Variants in PITPNC1 observed in about 807,000 individuals in gnomAD.
PITPNC1 encodes cytoplasmic phosphatidylinositol transfer protein 1.
Under a neutral mutation model 44.7 loss-of-function variants are expected in PITPNC1, and 18 were observed. That is an observed-to-expected ratio of 0.40 (90% CI 0.28 to 0.60). PITPNC1 has a LOEUF of 0.60. Among genes scored for constraint, PITPNC1 ranks in the 20% least tolerant of loss-of-function variants. PITPNC1 has a pLI of 0.39. For synonymous variants in PITPNC1, 141 were observed against 149.6 expected, an observed-to-expected ratio of 0.94 and a Z score of 0.42; for missense variants, 290 against 418.4, an observed-to-expected ratio of 0.69 and a Z score of 2.68.
intron 6 of PITPNC1, among the ~76,000 whole-genome samples, chr17:67,646,948 G>A (rs967030772): frequency 6.6e-5 from 10 of 152,078 alleles, no homozygotes; most frequent in African/African-American, 2.4e-4. Context: ...CAAAGATTAT[G>A]CTTCCCCTAC....
chr17:67,653,430 C>T (rs1205177508), intron 6 of PITPNC1, among the ~76,000 whole-genome samples: 1 of 152,214 alleles, frequency 6.6e-6, no homozygotes, highest in Non-Finnish European at 1.5e-5. Flanking sequence ...TTCCTCCTCA[C>T]AGCCCTTGGA....
chr17:67,615,393 C>T (rs1483239994), intron 5 of PITPNC1, among the ~76,000 whole-genome samples: 1 of 152,170 alleles, frequency 6.6e-6, no homozygotes, highest in Non-Finnish European at 1.5e-5. Context: ...TACCTCGGGA[C>T]GCTTGCTTGG....
At chr17:67,509,265 G>A (rs374316408) in intron 1 of PITPNC1, among the ~76,000 whole-genome samples, 8 of 151,340 alleles carry the variant, frequency 5.3e-5, no homozygotes, top group South Asian at 2.1e-4. Context: ...TAGGCCGGGC[G>A]TGGTGGCTCA....
intron 4 of PITPNC1, among the ~76,000 whole-genome samples, chr17:67,567,997 G>T (rs1000172768): frequency 2.6e-5 from 4 of 151,980 alleles, no homozygotes; most frequent in African/African-American, 9.7e-5. Context: ...AAGGAGAAGA[G>T]AAGAGAAAAG....
intron 8 of PITPNC1, among the ~76,000 whole-genome samples, chr17:67,677,571 T>C (rs764336841): frequency 1.3e-5 from 2 of 149,996 alleles, no homozygotes; most frequent in Non-Finnish European, 3.0e-5. Context: ...CTTAGGGACT[T>C]CTTTTTTTTT....
intron 5 of PITPNC1, among the ~76,000 whole-genome samples, chr17:67,584,450 T>C (rs2041283008): frequency 6.6e-6 from 1 of 152,138 alleles, no homozygotes. Flanking sequence ...TGTGTGGTAA[T>C]GAAAGAACAC....
intron 1 of PITPNC1, among the ~76,000 whole-genome samples, chr17:67,418,203 A>C (rs1306633512): frequency 6.6e-5 from 10 of 152,192 alleles, no homozygotes; most frequent in Non-Finnish European, 1.5e-4. Context: ...AGATCTGCTT[A>C]TTGCCTTGAG....
intron 1 of PITPNC1, among the ~76,000 whole-genome samples, chr17:67,471,331 T>C (rs1703534681): frequency 6.6e-6 from 1 of 151,616 alleles, no homozygotes; most frequent in African/African-American, 2.4e-5. Context: ...CCTGAATGGA[T>C]ATACCACAGT....
intron 1 of PITPNC1, among the ~76,000 whole-genome samples, chr17:67,502,532 A>G (rs2040045432): frequency 6.6e-6 from 1 of 152,144 alleles, no homozygotes; most frequent in African/African-American, 2.4e-5. Context: ...CACTTGGAAC[A>G]CTGGATGGAA....
intron 5 of PITPNC1, among the ~76,000 whole-genome samples, chr17:67,608,843 A>C (rs182210298): frequency 1.3e-5 from 2 of 151,872 alleles, no homozygotes; most frequent in East Asian, 1.9e-4. Flanking sequence ...GACATTTTGC[A>C]GAACACTGGC....
intron 5 of PITPNC1, among the ~76,000 whole-genome samples, chr17:67,593,395 A>AT (rs1424898639): frequency 6.8e-6 from 1 of 147,942 alleles, no homozygotes; most frequent in African/African-American, 2.5e-5. Flanking sequence ...TGGCTTTTTG[A>AT]TTTTTTGTTT....
At chr17:67,653,873 G>T (rs1397883190) in intron 6 of PITPNC1, among the ~76,000 whole-genome samples, 1 of 152,168 alleles carries the variant, frequency 6.6e-6, no homozygotes, top group African/African-American at 2.4e-5. Flanking sequence ...ATGCCTTTCA[G>T]CCCTTCACAA....
intron 1 of PITPNC1, among the ~76,000 whole-genome samples, chr17:67,507,961 A>C (rs540406650): frequency 1.7e-4 from 26 of 152,250 alleles, no homozygotes; most frequent in Middle Eastern, 3.4e-3. Context: ...CTGGGCTGCA[A>C]ACCAGGATGT....
intron 5 of PITPNC1, among the ~76,000 whole-genome samples, chr17:67,599,439 G>A (rs1001632463): frequency 1.3e-4 from 20 of 152,240 alleles, no homozygotes; most frequent in Non-Finnish European, 2.4e-4. Context: ...GAAAAGAAGG[G>A]CAAGGATGGA....
chr17:67,668,303 G>GT (rs1227672917), intron 6 of PITPNC1, among the ~76,000 whole-genome samples: 1 of 152,182 alleles, frequency 6.6e-6, no homozygotes, highest in African/African-American at 2.4e-5. Flanking sequence ...GTTTTTGCAT[G>GT]TATCAGCCAT....
intron 6 of PITPNC1, among the ~76,000 whole-genome samples, chr17:67,634,816 G>A (rs2042014421): frequency 6.6e-6 from 1 of 152,188 alleles, no homozygotes; most frequent in Non-Finnish European, 1.5e-5. Context: ...ATTTTGGGAG[G>A]CCGAGGCAGG....
At chr17:67,433,624 T>A (rs981968625) in intron 1 of PITPNC1, among the ~76,000 whole-genome samples, 27 of 152,122 alleles carry the variant, frequency 1.8e-4, no homozygotes. Flanking sequence ...GGCAGAAGGA[T>A]CGCTTGAGCA....
chr17:67,397,236 C>T (rs1242069351), intron 1 of PITPNC1, among the ~76,000 whole-genome samples: 1 of 152,194 alleles, frequency 6.6e-6, no homozygotes, highest in Non-Finnish European at 1.5e-5. Context: ...CCGCCTCGGC[C>T]TCTCAAAGTG....
At chr17:67,565,107 T>G (rs1468654361) in intron 4 of PITPNC1, among the ~76,000 whole-genome samples, 1 of 152,208 alleles carries the variant, frequency 6.6e-6, no homozygotes, top group Non-Finnish European at 1.5e-5. Flanking sequence ...CCCATGTTTT[T>G]CAGTGTGTAT....
Sources: allele counts gnomAD v4.1 joint callset (sites outside exome capture counted in the v4.1 genomes callset), GRCh38; gene constraint gnomAD v4.1.1; transcripts MANE v1.5; gene names NCBI Gene and HGNC (gene_info 2026-07-23, HGNC 2026-07-21).